Variants in SP1 observed in about 807,000 individuals in gnomAD.
The protein encoded by SP1 is Sp1 transcription factor.
In SP1, 6 loss-of-function variants were observed where a neutral mutation model predicts 66.3. That is an observed-to-expected ratio of 0.09 (90% CI 0.05 to 0.18). The LOEUF (loss-of-function observed/expected upper bound fraction) is 0.18. Among genes scored for constraint, SP1 ranks in the 10% least tolerant of loss-of-function variants. SP1 has a pLI of 1.00. For synonymous variants in SP1, 417 were observed against 360.8 expected (o/e 1.16, Z -1.77); for missense variants, 848 against 964.5 (o/e 0.88, Z 1.60).
At chr12:53,400,052 C>T (rs375457416) in intron 3 of SP1, among the ~76,000 whole-genome samples, 9 of 152,280 alleles carry the variant, frequency 5.9e-5, no homozygotes, top group Admixed American at 1.3e-4. Flanking sequence ...TGTGAGCCAC[C>T]GGTCCCGGCT....
At chr12:53,410,236 C>T (rs1173364412) in intron 5 of SP1, among the ~76,000 whole-genome samples, 9 of 151,564 alleles carry the variant, frequency 5.9e-5, no homozygotes, top group Non-Finnish European at 1.2e-4. Context: ...ACCTTGGAGG[C>T]GGAGGTTACA....
intron 1 of SP1, 83 bp from the exon 2 acceptor site, chr12:53,381,576 T>TTCA: frequency 7.7e-7 from 1 of 1,303,248 alleles, no homozygotes; most frequent in South Asian, 1.5e-5. Context: ...TCATTGCTAT[T>TTCA]TCATCATAGC....
At position 53,382,661 on chromosome 12, in the gene SP1, C is replaced by T. The variant is rs748183677; in HGVS notation, c.714C>T (p.Leu238=). 25 of 1,614,074 alleles carry T rather than the reference C, an allele frequency of 1.5e-5. No homozygotes were observed. The African/African-American group carries it at 2.8e-4, about 18-fold the overall frequency. Residue 238 remains leucine, a synonymous_variant, in exon 3 of 6, where the codon CTC becomes CTT. Transcript: ENST00000327443. ...ACCTACTCCAGCAGGCTGTCCCCCT[C>T]CAAGGCCTGGCTAATAATGTACTCT... ...MPNLLQQAVP[L]QGLANNVLSG... is the part of the protein sequence containing the mutation.
At chr12:53,396,710 G>A (rs1298144974) in intron 3 of SP1, among the ~76,000 whole-genome samples, 9 of 152,172 alleles carry the variant, frequency 5.9e-5, no homozygotes, top group Admixed American at 4.6e-4. Flanking sequence ...TCTGAAAGTT[G>A]CAGACAAATG....
rs1488400157 is a variant in SP1 at position 53,413,680 on chromosome 12, T to C, written c.*2440T>C. 2.0e-5 allele frequency: 3 copies of C among 152,604 alleles called. No individual in the cohort carries two copies. The highest frequency in any genetic ancestry group is 4.4e-5 in the Non-Finnish European group (3 of 68,044). The allele number at this position is 152,604 out of a possible 1,614,324, so 9.5% of individuals were successfully genotyped here. A position where few individuals can be genotyped will look rare whatever the true frequency, so the allele number is the denominator to read the frequency against. On this transcript the variant is annotated 3_prime_UTR_variant, in exon 6 of 6. Transcript: ENST00000327443. ...CTGTTATTTTATGTCTGTAATCATG[T>C]ACTTTGGCATCTTTTGGAGGAAAGG... is the stretch of plus-strand genomic sequence containing the variant.
At chr12:53,405,730 G>GGA (rs1938719533) in intron 3 of SP1, among the ~76,000 whole-genome samples, 1 of 151,832 alleles carries the variant, frequency 6.6e-6, no homozygotes, top group African/African-American at 2.4e-5. Flanking sequence ...AGGGAAGGAA[G>GGA]AGAGAGAGGG....
intron 3 of SP1, among the ~76,000 whole-genome samples, chr12:53,392,643 C>T (rs1201102094): frequency 6.6e-6 from 1 of 151,846 alleles, no homozygotes; most frequent in Non-Finnish European, 1.5e-5. Flanking sequence ...AGGCGTGAGC[C>T]ACCGCGCCCG....
rs1371809175 is a variant in SP1 at position 53,413,794 on chromosome 12, A to G, written c.*2554A>G. 6.6e-6 allele frequency: 1 copy of G among 152,352 alleles called. No individual in the cohort carries two copies. The highest frequency in any genetic ancestry group is 1.5e-5 in the Non-Finnish European group (1 of 68,050). 9.4% of individuals were successfully genotyped at this position (152,352 alleles called of 1,614,324 possible). A position where few individuals can be genotyped will look rare whatever the true frequency, so the allele number is the denominator to read the frequency against. ...CCAGTATGAAATTACCAGATATAAA[A>G]TAATGTAATGATGCTGAGGATATAA... On this transcript the variant is annotated 3_prime_UTR_variant, in exon 6 of 6. Transcript: ENST00000327443.
At chr12:53,381,470 G>T in intron 1 of SP1, 189 bp from the exon 2 acceptor site, 1 of 457,644 alleles carries the variant, frequency 2.2e-6, no homozygotes, top group Middle Eastern at 5.9e-4. Flanking sequence ...CCCACTTTTG[G>T]CACATTGAAC....
chr12:53,386,484 T>TC (rs991683073), intron 3 of SP1, among the ~76,000 whole-genome samples: 6 of 148,594 alleles, frequency 4.0e-5, no homozygotes, highest in African/African-American at 1.5e-4. Context: ...TGTATCTTTT[T>TC]TTTTTTTTTT....
intron 3 of SP1, among the ~76,000 whole-genome samples, chr12:53,392,361 T>C (rs1938372646): frequency 7.3e-6 from 1 of 137,580 alleles, no homozygotes; most frequent in South Asian, 2.5e-4. Context: ...TTTTTTTTTT[T>C]TTTTTTTTTT....
chr12:53,380,647 C>G (rs2136884357), intron 1 of SP1: 1 of 994,160 alleles, frequency 1.0e-6, no homozygotes, highest in South Asian at 4.7e-5. Flanking sequence ...GCAGCGAAGG[C>G]CCCGCCCGGG....
chr12:53,385,763 A>G (rs1171087982), intron 3 of SP1, among the ~76,000 whole-genome samples: 1 of 151,312 alleles, frequency 6.6e-6, no homozygotes, highest in Non-Finnish European at 1.5e-5. Flanking sequence ...AAATACAAAA[A>G]TTAGCCGGGC....
At chr12:53,395,300 A>G (rs1014641438) in intron 3 of SP1, among the ~76,000 whole-genome samples, 1 of 152,160 alleles carries the variant, frequency 6.6e-6, no homozygotes, top group Admixed American at 6.6e-5. Context: ...AGACAGCACC[A>G]CTGTACTCCA....
intron 3 of SP1, among the ~76,000 whole-genome samples, chr12:53,398,586 A>C (rs1041732335): frequency 3.3e-5 from 5 of 152,106 alleles, no homozygotes; most frequent in African/African-American, 4.8e-5. Context: ...CAGTCTTTTT[A>C]TTTTTATGTT....
chr12:53,395,595 C>CA (rs1268392386), intron 3 of SP1, among the ~76,000 whole-genome samples: 1 of 152,114 alleles, frequency 6.6e-6, no homozygotes, highest in Non-Finnish European at 1.5e-5. Flanking sequence ...GTACTTCCTT[C>CA]ATAGACAGAT....
intron 4 of SP1, among the ~76,000 whole-genome samples, chr12:53,408,364 G>C (rs893853343): frequency 4.4e-4 from 66 of 150,888 alleles, no homozygotes; most frequent in African/African-American, 1.6e-3. Flanking sequence ...AGCCTCCCAA[G>C]TAGCTGGGAT....
intron 3 of SP1, among the ~76,000 whole-genome samples, chr12:53,396,484 C>G (rs1938493166): frequency 6.6e-6 from 1 of 152,056 alleles, no homozygotes; most frequent in Non-Finnish European, 1.5e-5. Flanking sequence ...AAGAGAATCG[C>G]TTGAACCCGG....
At chr12:53,389,201 AT>A (rs1938295802) in intron 3 of SP1, among the ~76,000 whole-genome samples, 1 of 121,374 alleles carries the variant, frequency 8.2e-6, no homozygotes, top group South Asian at 2.6e-4. Context: ...TACATTCATT[AT>A]TTTTTAAAAT....
Sources: gnomAD v4.1 joint callset for allele counts (sites outside exome capture counted in the v4.1 genomes callset) on GRCh38, gnomAD v4.1.1 for gene constraint, MANE v1.5 for transcripts, NCBI Gene and HGNC (gene_info 2026-07-23, HGNC 2026-07-21) for gene names.